TGM7: variants seen among roughly 807,000 people sequenced by gnomAD.
The protein encoded by TGM7 is protein-glutamine gamma-glutamyltransferase Z.
In TGM7, 74 loss-of-function variants were observed where a neutral mutation model predicts 79.5. That is an observed-to-expected ratio of 0.93 (90% CI 0.77 to 1.13). The LOEUF (loss-of-function observed/expected upper bound fraction) is 1.13, where lower values mean the gene tolerates loss of function less well. Ranked by LOEUF, TGM7 falls within the 50% of genes most tolerant of loss-of-function variation. The pLI is 0.00. For missense variants in TGM7, 912 were observed against 905.9 expected, an observed-to-expected ratio of 1.01 and a Z score of -0.09; for synonymous variants, 354 against 362.5, an observed-to-expected ratio of 0.98 and a Z score of 0.27.
At chr15:43,284,694 C>T (rs2042925946) in intron 7 of TGM7, 120 bp downstream of exon 7, 4 of 1,234,050 alleles carry the variant, frequency 3.2e-6, no homozygotes, top group East Asian at 4.7e-5. Flanking sequence ...CTTCTCTGAG[C>T]ATTAGCAGCA....
At chr15:43,285,735 GCAGCTC>G (rs1260324006) in intron 6 of TGM7, among the ~76,000 whole-genome samples, 8 of 152,282 alleles carry the variant, frequency 5.3e-5, no homozygotes, top group Admixed American at 4.6e-4. Flanking sequence ...TAATAAGGCA[GCAGCTC>G]CCTCTTGTGG....
rs567357 is a variant in TGM7, at chr15:43,279,192, C to A, written c.1764G>T (p.Ala588=). ...DEKLIRVSGI[A]EVEETGRSML... is the part of the protein sequence containing the mutation. ...TGGACCTCCCTGTCTCTTCAACCTC[C>A]GCGATGCCAGACACGCGGATGAGCT... The change falls in exon 11 of 13, where the codon GCG becomes GCT. Residue 588 remains alanine, a synonymous_variant. Coordinates refer to ENST00000452443, the MANE Select transcript of TGM7 (RefSeq NM_052955.3). 5 of 1,613,808 alleles carry A rather than the reference C, an allele frequency of 3.1e-6. No individual in the cohort carries two copies. Among genetic ancestry groups the A allele is most frequent in the Admixed American group, 1.7e-5 (1 of 59,956 alleles).
At chr15:43,279,048 G>A in intron 11 of TGM7, 69 bp downstream of exon 11, 1 of 1,526,958 alleles carries the variant, frequency 6.5e-7, no homozygotes. Context: ...CTTGTTGGCT[G>A]CTGCACCCCA....
intron 1 of TGM7, among the ~76,000 whole-genome samples, chr15:43,295,851 G>A (rs1031341310): frequency 6.6e-6 from 1 of 152,208 alleles, no homozygotes; most frequent in Non-Finnish European, 1.5e-5. Flanking sequence ...TTGGTACAAA[G>A]TTGTTAAACC....
chr15:43,290,367 A>G lies in TGM7; in HGVS notation c.558+1612T>C, dbSNP rs2042957538. Among the ~76,000 whole-genome samples, 3 of 152,150 alleles carry G rather than the reference A, an allele frequency of 2.0e-5. No homozygotes were observed. In the South Asian group the frequency reaches 6.2e-4, roughly 32 times the overall value. On this transcript the variant is annotated intron_variant, in intron 4 of 12. Transcript: ENST00000452443. ...TTTTGTCAGGTTTGTCAAAGATCAG[A>G]TGGTTGTAGATATGCAGCATTCTTT...
At chr15:43,301,415 A>C (rs1313790293) in intron 1 of TGM7, among the ~76,000 whole-genome samples, 1 of 151,412 alleles carries the variant, frequency 6.6e-6, no homozygotes, top group Non-Finnish European at 1.5e-5. Flanking sequence ...GGGTCACCTG[A>C]GGTCAGGAGT....
intron 8 of TGM7, 31 bp from the exon 9 acceptor site, chr15:43,282,117 G>T: frequency 6.2e-7 from 1 of 1,607,354 alleles, no homozygotes; most frequent in Middle Eastern, 1.7e-4. Flanking sequence ...TGATATGGGG[G>T]CCAGGGGCAG....
intron 6 of TGM7, among the ~76,000 whole-genome samples, chr15:43,285,370 A>G (rs2042930084): frequency 1.3e-5 from 2 of 152,198 alleles, no homozygotes; most frequent in Non-Finnish European, 2.9e-5. Flanking sequence ...CGTCTCTACT[A>G]AAAATACAAA....
intron 8 of TGM7, 52 bp downstream of exon 8, chr15:43,282,465 C>G: frequency 6.7e-7 from 1 of 1,495,090 alleles, no homozygotes; most frequent in Non-Finnish European, 9.1e-7. Context: ...GGCCAGTCAC[C>G]CTAATCTGCC....
chr15:43,293,166 G>GTCTTGTCCTGGGGATTAAA lies in TGM7; in HGVS notation c.194-231_194-213dup, dbSNP rs1233410014. 2.0e-5 allele frequency among the ~76,000 whole-genome samples: 3 copies of GTCTTGTCCTGGGGATTAAA among 152,340 alleles called. No individual in the cohort carries two copies. The East Asian group carries it at 5.8e-4, about 29-fold the overall frequency. On this transcript the variant is annotated intron_variant, in intron 2 of 12. Coordinates refer to ENST00000452443, the MANE Select transcript of TGM7 (RefSeq NM_052955.3). ...GGGATCATAATAGTACCACCTGAAAGTCTTGTCCTGGGGATTAAATGAGCT... is the reference window on the plus strand; with the variant it reads ...GGGATCATAATAGTACCACCTGAAAGTCTTGTCCTGGGGATTAAATCTTGTCCTGGGGATTAAATGAGCT...
chr15:43,291,691 C>G (rs908045800), intron 4 of TGM7, among the ~76,000 whole-genome samples: 13 of 152,230 alleles, frequency 8.5e-5, no homozygotes, highest in African/African-American at 2.9e-4. Context: ...TTGATCACTA[C>G]TGAAGCTGAG....
chr15:43,291,976 T>A lies in TGM7; in HGVS notation c.558+3A>T, dbSNP rs1460916805. 1.9e-6 allele frequency: 3 copies of A among 1,611,164 alleles called. No homozygotes were observed. The South Asian group carries it at 3.3e-5, about 18-fold the overall frequency. On this transcript the variant is annotated splice_donor_region_variant and intron_variant, in intron 4 of 12. Transcript: ENST00000452443. ...CCAGGCCCACATTGGGTAATAGTGTTACCTGCCCGTAGTTCCAGGGCCAGG... is the reference window on the plus strand; with the variant it reads ...CCAGGCCCACATTGGGTAATAGTGTAACCTGCCCGTAGTTCCAGGGCCAGG...
intron 4 of TGM7, among the ~76,000 whole-genome samples, chr15:43,290,346 G>C (rs371218869): frequency 1.1e-4 from 17 of 152,060 alleles, no homozygotes; most frequent in Non-Finnish European, 1.8e-4. Flanking sequence ...TCTTGTTTTT[G>C]TCAGGTTTGT....
intron 9 of TGM7, among the ~76,000 whole-genome samples, chr15:43,281,597 A>G (rs2042909230): frequency 6.6e-6 from 1 of 152,238 alleles, no homozygotes; most frequent in African/African-American, 2.4e-5. Context: ...TGGGACATAT[A>G]TTACACAAAT....
chr15:43,282,466 C>T (rs773800005), intron 8 of TGM7, 51 bp downstream of exon 8: 2 of 1,498,768 alleles, frequency 1.3e-6, no homozygotes, highest in South Asian at 1.2e-5. Flanking sequence ...GCCAGTCACC[C>T]TAATCTGCCT....
At chr15:43,291,574 C>T (rs983011557) in intron 4 of TGM7, among the ~76,000 whole-genome samples, 1 of 152,096 alleles carries the variant, frequency 6.6e-6, no homozygotes, top group Non-Finnish European at 1.5e-5. Context: ...AAGTAAAAAA[C>T]GTGAAAACTA....
chr15:43,301,687 G>T (rs1486088163), intron 1 of TGM7, among the ~76,000 whole-genome samples: 2 of 151,876 alleles, frequency 1.3e-5, no homozygotes, highest in African/African-American at 4.8e-5. Context: ...TGCCCTCCCT[G>T]GCAGGCCGCA....
chr15:43,290,588 C>T (rs1276583128), intron 4 of TGM7, among the ~76,000 whole-genome samples: 3 of 152,122 alleles, frequency 2.0e-5, no homozygotes, highest in Admixed American at 1.3e-4. Context: ...GTAGCTTTTT[C>T]CAATTCTGTG....
At chr15:43,276,726 C>G in intron 12 of TGM7, 112 bp from the exon 13 acceptor site, 1 of 1,541,934 alleles carries the variant, frequency 6.5e-7, no homozygotes, top group Non-Finnish European at 8.7e-7. Flanking sequence ...CACCACTGAG[C>G]TCAGCCTTTC....
Sources: allele counts gnomAD v4.1 joint callset (sites outside exome capture counted in the v4.1 genomes callset), GRCh38; gene constraint gnomAD v4.1.1; transcripts MANE v1.5; gene names NCBI Gene and HGNC (gene_info 2026-07-23, HGNC 2026-07-21).